The following SACS variants were observed in gnomAD, a reference collection of about 807,000 sequenced individuals.
SACS encodes the protein sacsin.
In SACS, 197 loss-of-function variants were observed where a neutral mutation model predicts 348.0. The ratio of observed to expected loss-of-function variants is 0.57; its 90% CI spans 0.50 to 0.64. SACS has a LOEUF of 0.64. Ranked by LOEUF, SACS falls within the 30% of genes least tolerant of loss-of-function variation. SACS has a pLI of 0.00. For synonymous variants in SACS, 1,985 were observed against 1,910.6 expected (o/e 1.04, Z -1.02); for missense variants, 4,999 against 5,360.8 (o/e 0.93, Z 2.11).
chr13:23,409,040 C>CTTTTTTGTTTT (rs1873360135), intron 2 of SACS, among the ~76,000 whole-genome samples: 1 of 35,122 alleles, frequency 2.8e-5, no homozygotes, highest in Non-Finnish European at 4.9e-5. Context: ...ACAAGTTTTA[C>CTTTTTTGTTTT]TTTTTTTTTT....
chr13:23,368,582 C>T, intron 4 of SACS, 95 bp from the exon 5 acceptor site: 3 of 866,826 alleles, frequency 3.5e-6, no homozygotes, highest in Non-Finnish European at 5.7e-6. Flanking sequence ...TATAACTATA[C>T]AAGTTATGGT....
chr13:23,368,088 T>C (rs942245267), intron 5 of SACS, among the ~76,000 whole-genome samples: 3 of 151,852 alleles, frequency 2.0e-5, no homozygotes, highest in African/African-American at 4.9e-5. Context: ...GGTTGGTTGG[T>C]TGGTTGGTTG....
chr13:23,340,248 C>T lies in SACS; in HGVS notation c.3628G>A (p.Glu1210Lys). ...TTTGTGAAGATCCCTAATGCTTTTT[C>T]CAGGTTTACATGGATACTTTCAACA... Reference protein sequence around the residue: ...PLVESIHVNLEKALGIFTKPS... With the variant: ...PLVESIHVNLKKALGIFTKPS... Residue 1210 changes from glutamate to lysine, a missense_variant, in exon 10 of 10, where the codon GAA becomes AAA. Transcript: ENST00000382292. 6.2e-7 allele frequency: 1 copy of T among 1,611,320 alleles called. No homozygotes were observed. Among genetic ancestry groups the T allele is most frequent in the Non-Finnish European group, 8.5e-7 (1 of 1,178,504 alleles).
In SACS at chr13:23,382,956, A is replaced by AT. The variant is rs67400239; in HGVS notation, c.21-7688dup. 4.7e-3 allele frequency among the ~76,000 whole-genome samples: 435 copies of AT among 93,408 alleles called. 2 individuals are homozygous for AT. Among genetic ancestry groups the AT allele is most frequent in the Non-Finnish European group, 6.5e-3 (291 of 44,858 alleles). 61.3% of individuals were successfully genotyped at this position (93,408 alleles called of 152,430 possible). A position where few individuals can be genotyped will look rare whatever the true frequency, so the allele number is the denominator to read the frequency against. On this transcript the variant is annotated intron_variant, in intron 2 of 9. Transcript: ENST00000382292. ...AGGCATGTACCACCATGCCCAGCTA[A>AT]TTTTTTTTTTTTTTTTTTTTTTTGG...
intron 5 of SACS, among the ~76,000 whole-genome samples, chr13:23,367,673 C>A (rs1871141608): frequency 6.6e-6 from 1 of 152,174 alleles, no homozygotes; most frequent in South Asian, 2.1e-4. Context: ...CGGCTCACTG[C>A]AATCTCTGCC....
chr13:23,419,955 C>T (rs1873855608), intron 1 of SACS, among the ~76,000 whole-genome samples: 1 of 152,094 alleles, frequency 6.6e-6, no homozygotes, highest in Admixed American at 6.6e-5. Context: ...TCACTCTGGG[C>T]CTAGCTGCCC....
chr13:23,405,977 T>G lies in SACS; in HGVS notation c.20+5243A>C, dbSNP rs578032738. ...AGTTCAACCATTGTGGAAGACAGTGTGGCGATTCCTCACTGTCCAGAAATA... is the reference window on the plus strand; with the variant it reads ...AGTTCAACCATTGTGGAAGACAGTGGGGCGATTCCTCACTGTCCAGAAATA... On this transcript the variant is annotated intron_variant, in intron 2 of 9. Coordinates refer to ENST00000382292, the MANE Select transcript of SACS (RefSeq NM_014363.6). 5.3e-5 allele frequency among the ~76,000 whole-genome samples: 8 copies of G among 152,230 alleles called. No individual in the cohort carries two copies. The East Asian group carries it at 1.5e-3, about 29-fold the overall frequency.
intron 1 of SACS, among the ~76,000 whole-genome samples, chr13:23,414,065 G>C (rs1400248000): frequency 6.6e-6 from 1 of 152,190 alleles, no homozygotes; most frequent in Admixed American, 6.5e-5. Flanking sequence ...AGCACGTTGG[G>C]AGGCCGAGGC....
Position 23,334,872 on chromosome 13 carries a change from C to T in SACS, c.9004G>A (p.Asp3002Asn). The T allele has an allele frequency of 6.2e-7, 1 of 1,613,790 alleles. No homozygotes were observed. The stretch of plus-strand genomic sequence containing the variant: ...ACTGCAGAGTGCAAGTCAGAGCCAT[C>T]AATATTTGGAGCCCGCACAACAGGT... The part of the protein sequence containing the change: ...LLPVVRAPNI[D>N]GSDLHSAVII... Residue 3002 changes from aspartate to asparagine, a missense_variant, in exon 10 of 10, where the codon GAT becomes AAT. Asp to Asn is a conservative substitution (Grantham distance 23). Around this residue, in one of 6 missense-constraint regions of SACS, gnomAD observed 734 missense variants for 694.0 expected, o/e 1.06. Transcript: ENST00000382292.
rs75389729 is a variant in SACS, at chr13:23,329,220, A to T, written c.*916T>A. On this transcript the variant is annotated 3_prime_UTR_variant, in exon 10 of 10. Coordinates refer to ENST00000382292, the MANE Select transcript of SACS (RefSeq NM_014363.6). Reference sequence around the variant, plus strand: ...TTTTGATGTTTTTAAAGTTAAAAAAACTCCACTACATGCCATATTGAAAGA... The same window carrying T: ...TTTTGATGTTTTTAAAGTTAAAAAATCTCCACTACATGCCATATTGAAAGA... 1,654 of 466,376 alleles carry T rather than the reference A, an allele frequency of 3.5e-3. 26 individuals carry two copies. The highest frequency in any genetic ancestry group is 0.029 in the African/African-American group (1,412 of 48,984). 28.9% of individuals were successfully genotyped at this position (466,376 alleles called of 1,614,324 possible).
intron 4 of SACS, among the ~76,000 whole-genome samples, chr13:23,368,934 C>T (rs1289167580): frequency 6.6e-5 from 10 of 152,168 alleles, no homozygotes; most frequent in South Asian, 2.1e-4. Flanking sequence ...CTCCTGACCT[C>T]GTGATCCGCC....
At chr13:23,399,853 C>T (rs1236263419) in intron 2 of SACS, among the ~76,000 whole-genome samples, 1 of 152,072 alleles carries the variant, frequency 6.6e-6, no homozygotes, top group East Asian at 1.9e-4. Context: ...GATAACCTCC[C>T]CTCCTACCAG....
chr13:23,416,839 T>G (rs139559288), intron 1 of SACS, among the ~76,000 whole-genome samples: 1 of 152,016 alleles, frequency 6.6e-6, no homozygotes, highest in African/African-American at 2.4e-5. Flanking sequence ...AGGATATTTC[T>G]TGATCTCTAT....
intron 9 of SACS, among the ~76,000 whole-genome samples, chr13:23,342,192 A>G (rs1869301729): frequency 6.6e-6 from 1 of 152,192 alleles, no homozygotes; most frequent in Admixed American, 6.5e-5. Context: ...ATATAAATCC[A>G]TATTTACAAT....
rs1255798641 is a variant in SACS at position 23,411,581 on chromosome 13, G to T, written c.-342C>A. On this transcript the variant is annotated 5_prime_UTR_variant, in exon 2 of 10. Coordinates refer to ENST00000382292, the MANE Select transcript of SACS (RefSeq NM_014363.6). ...GCAAAATCAATTTATTTTCATCTGAGAATTTTCTGTATTTCTTTTTGAAGG... is the reference window on the plus strand; with the variant it reads ...GCAAAATCAATTTATTTTCATCTGATAATTTTCTGTATTTCTTTTTGAAGG... 7.8e-6 allele frequency: 2 copies of T among 255,448 alleles called. No individual in the cohort carries two copies. The highest frequency in any genetic ancestry group is 1.0e-4 in the South Asian group (1 of 9,926). The allele number at this position is 255,448 out of a possible 1,614,324, so 15.8% of individuals were successfully genotyped here.
intron 8 of SACS, among the ~76,000 whole-genome samples, chr13:23,354,206 T>C (rs1870163600): frequency 6.6e-6 from 1 of 152,216 alleles, no homozygotes; most frequent in African/African-American, 2.4e-5. Flanking sequence ...ATTATCAAAA[T>C]AATTCATTAG....
At chr13:23,363,091 T>TA (rs2137769836) in intron 6 of SACS, among the ~76,000 whole-genome samples, 1 of 150,820 alleles carries the variant, frequency 6.6e-6, no homozygotes, top group Admixed American at 6.6e-5. Flanking sequence ...GTATTTGTAT[T>TA]AGAGATGGGG....
chr13:23,427,358 CCCT>C (rs1167702432), intron 1 of SACS: 1 of 152,224 alleles, frequency 6.6e-6, no homozygotes, highest in African/African-American at 2.4e-5. Context: ...ACAGGGGCTC[CCCT>C]CCTCCCCAGC....
In SACS at chr13:23,338,122, C is replaced by A. The variant is rs1355702259; in HGVS notation, c.5754G>T (p.Val1918=). The change falls in exon 10 of 10, where the codon GTG becomes GTT. Residue 1918 remains valine, a synonymous_variant. Transcript: ENST00000382292. Reference sequence around the variant, plus strand: ...CACTCAGTACCTGTAAGTAAGCTTTCACAATAACATGTCTCATGAACGTGG... The same window carrying A: ...CACTCAGTACCTGTAAGTAAGCTTTAACAATAACATGTCTCATGAACGTGG... The part of the protein sequence containing the change: ...WNTTFMRHVI[V]KAYLQVLSVL... 6.2e-7 allele frequency: 1 copy of A among 1,614,046 alleles called. No individual in the cohort carries two copies. Among genetic ancestry groups the A allele is most frequent in the East Asian group, 2.2e-5 (1 of 44,896 alleles).
Sources: gnomAD v4.1 joint callset for allele counts (sites outside exome capture counted in the v4.1 genomes callset) on GRCh38, gnomAD v4.1.1 for gene constraint, gnomAD v4.1.1 regional missense constraint, MANE v1.5 for transcripts, NCBI Gene and HGNC (gene_info 2026-07-23, HGNC 2026-07-21) for gene names.